Variants in HGF observed in about 807,000 individuals in gnomAD.
The protein encoded by HGF is hepatocyte growth factor, also known as fibroblast-derived tumor cytotoxic factor.
HGF carries 39 observed loss-of-function variants against 111.6 expected under a neutral mutation model. The observed-to-expected ratio is 0.35, with a 90% CI of 0.27 to 0.46. The LOEUF (loss-of-function observed/expected upper bound fraction) is 0.46. Ranked by LOEUF, HGF falls within the 20% of genes least tolerant of loss-of-function variation. The pLI is 1.00. For missense variants in HGF, 735 were observed against 910.5 expected, an observed-to-expected ratio of 0.81 and a Z score of 2.48; for synonymous variants, 285 against 294.8, an observed-to-expected ratio of 0.97 and a Z score of 0.34.
At chr7:81,737,957 G>A (rs1787887237) in intron 7 of HGF, among the ~76,000 whole-genome samples, 1 of 152,020 alleles carries the variant, frequency 6.6e-6, no homozygotes, top group Non-Finnish European at 1.5e-5. Flanking sequence ...AAATTGCCAG[G>A]CACCTGTTGG....
At chr7:81,720,940 C>T in intron 9 of HGF, 93 bp from the exon 10 acceptor site, 4 of 769,484 alleles carry the variant, frequency 5.2e-6, no homozygotes, top group Non-Finnish European at 9.2e-6. Flanking sequence ...ATGAAATCAA[C>T]ATAAAAATTA....
At chr7:81,712,757 G>T (rs1009469883) in intron 11 of HGF, among the ~76,000 whole-genome samples, 1 of 152,170 alleles carries the variant, frequency 6.6e-6, no homozygotes, top group African/African-American at 2.4e-5. Context: ...AAATAAGCCA[G>T]CAACAAACCA....
At chr7:81,707,463 A>C in intron 13 of HGF, 99 bp from the exon 14 acceptor site, 1 of 725,422 alleles carries the variant, frequency 1.4e-6, no homozygotes. Context: ...AAATAAATAC[A>C]CTGCAGAGGA....
intron 7 of HGF, among the ~76,000 whole-genome samples, chr7:81,739,640 G>T (rs1787942561): frequency 6.6e-6 from 1 of 152,062 alleles, no homozygotes; most frequent in Non-Finnish European, 1.5e-5. Flanking sequence ...GGGTAGAGGT[G>T]TTGACATGCC....
At chr7:81,765,124 T>TA (rs555884044) in intron 1 of HGF, among the ~76,000 whole-genome samples, 14 of 152,028 alleles carry the variant, frequency 9.2e-5, no homozygotes, top group Non-Finnish European at 1.2e-4. Context: ...GGGAAAAGCC[T>TA]AAAAATCAAA....
intron 17 of HGF, among the ~76,000 whole-genome samples, chr7:81,703,422 T>G (rs1045396932): frequency 6.6e-6 from 1 of 151,036 alleles, no homozygotes; most frequent in Non-Finnish European, 1.5e-5. Context: ...CTCCTTTCTG[T>G]AGCGTGTCCT....
intron 5 of HGF, among the ~76,000 whole-genome samples, chr7:81,745,653 C>T (rs888984544): frequency 5.3e-5 from 8 of 152,134 alleles, no homozygotes; most frequent in Admixed American, 2.0e-4. Flanking sequence ...TCAAAGAATA[C>T]GGATATTTTT....
chr7:81,742,610 T>C (rs1186637073), intron 7 of HGF: 1 of 765,112 alleles, frequency 1.3e-6, no homozygotes, highest in Non-Finnish European at 1.7e-6. Flanking sequence ...TATGTAATAT[T>C]GTTTAAGAGA....
At chr7:81,766,855 C>A (rs1449137121) in intron 1 of HGF, among the ~76,000 whole-genome samples, 3 of 152,194 alleles carry the variant, frequency 2.0e-5, no homozygotes, top group Admixed American at 6.5e-5. Context: ...AAACTTTCAG[C>A]TGCTCGCATG....
intron 1 of HGF, among the ~76,000 whole-genome samples, chr7:81,767,471 G>C (rs1450723221): frequency 1.3e-5 from 2 of 152,088 alleles, no homozygotes; most frequent in East Asian, 3.9e-4. Flanking sequence ...GTTCATATCA[G>C]TTGCTCAACA....
chr7:81,752,049 C>A (rs1243766125), intron 5 of HGF, 71 bp downstream of exon 5: 2 of 1,597,354 alleles, frequency 1.3e-6, no homozygotes, highest in African/African-American at 1.3e-5. Context: ...TTGCTGTTAA[C>A]CTTTAATGTG....
chr7:81,745,838 G>T (rs775081334), intron 5 of HGF, among the ~76,000 whole-genome samples: 30 of 152,162 alleles, frequency 2.0e-4, no homozygotes, highest in Non-Finnish European at 3.4e-4. Flanking sequence ...TGATGATTTT[G>T]TGAGGTTAAT....
intron 5 of HGF, among the ~76,000 whole-genome samples, chr7:81,747,356 A>T (rs1253304153): frequency 6.6e-6 from 1 of 152,092 alleles, no homozygotes; most frequent in Non-Finnish European, 1.5e-5. Flanking sequence ...AAAAAAAAGA[A>T]GTTCTAAGTA....
chr7:81,713,740 C>T (rs1176688825), intron 11 of HGF, among the ~76,000 whole-genome samples: 2 of 151,984 alleles, frequency 1.3e-5, no homozygotes, highest in African/African-American at 4.8e-5. Flanking sequence ...CTGTTGCATG[C>T]CTGGAGTAAA....
Position 81,717,323 on chromosome 7 carries a change from A to T in HGF, c.1314T>A (p.Asn438Lys). Residue 438 changes from asparagine (N) to lysine (K), a missense_variant, in exon 11 of 18, where the codon AAT (asparagine) becomes AAA (lysine). Around this residue, in one of 3 missense-constraint regions of HGF, gnomAD observed 553 missense variants for 685.6 expected, o/e 0.81. Coordinates refer to ENST00000222390, the MANE Select transcript of HGF (RefSeq NM_000601.6). ...CATCATCATCTGGATTTCGGCAGTAATTCTCATTCAGCTTACTTGCATCTG... is the reference window on the plus strand; with the variant it reads ...CATCATCATCTGGATTTCGGCAGTATTTCTCATTCAGCTTACTTGCATCTG... ...WEPDASKLNENYCRNPDDDAH... is the reference protein window; with the variant it reads ...WEPDASKLNEKYCRNPDDDAH... 6.2e-7 allele frequency: 1 copy of T among 1,613,726 alleles called. No individual in the cohort carries two copies. Among genetic ancestry groups the T allele is most frequent in the South Asian group, 1.1e-5 (1 of 91,074 alleles).
intron 5 of HGF, among the ~76,000 whole-genome samples, chr7:81,750,184 GT>G (rs1788432880): frequency 6.6e-6 from 1 of 152,052 alleles, no homozygotes; most frequent in Non-Finnish European, 1.5e-5. Flanking sequence ...CTCTGCCAAT[GT>G]TTTGACAATG....
At chr7:81,742,685 A>G (rs1197301481) in intron 7 of HGF, 11 of 1,357,376 alleles carry the variant, frequency 8.1e-6, no homozygotes, top group Non-Finnish European at 1.0e-5. Context: ...AAGGAACAAT[A>G]TAAAACACGT....
intron 11 of HGF, among the ~76,000 whole-genome samples, chr7:81,713,039 T>C (rs1789612354): frequency 6.6e-6 from 1 of 152,284 alleles, no homozygotes; most frequent in East Asian, 1.9e-4. Flanking sequence ...TTCAAGGATA[T>C]TGGTTTTCCA....
chr7:81,762,105 C>G (rs1257855729), intron 2 of HGF, among the ~76,000 whole-genome samples: 1 of 152,136 alleles, frequency 6.6e-6, no homozygotes, highest in Non-Finnish European at 1.5e-5. Context: ...TATGAGGTCA[C>G]ACAGGGACTG....
Sources: allele counts gnomAD v4.1 joint callset (sites outside exome capture counted in the v4.1 genomes callset), GRCh38; gene constraint gnomAD v4.1.1; regional missense constraint gnomAD v4.1.1; transcripts MANE v1.5; gene names NCBI Gene and HGNC (gene_info 2026-07-23, HGNC 2026-07-21).